OSBPL7: variants seen among roughly 807,000 people sequenced by gnomAD.
OSBPL7 encodes the protein oxysterol binding protein like 7, also known as oxysterol-binding protein-related protein 7.
In OSBPL7, 66 loss-of-function variants were observed where a neutral mutation model predicts 115.8. The observed-to-expected ratio is 0.57, with a 90% CI of 0.47 to 0.70. The LOEUF is 0.70. Ranked by LOEUF, OSBPL7 falls within the 30% of genes least tolerant of loss-of-function variation. OSBPL7 has a pLI of 0.00. For synonymous variants in OSBPL7, 441 were observed against 439.2 expected (o/e 1.00, Z -0.05); for missense variants, 902 against 1,125.5 (o/e 0.80, Z 2.84).
At chr17:47,814,410 C>G (rs867589344) in intron 14 of OSBPL7, 111 bp downstream of exon 14, 2 of 994,416 alleles carry the variant, frequency 2.0e-6, no homozygotes, top group Non-Finnish European at 1.5e-6. Context: ...TCCAAAGCCA[C>G]TAGCCCATCA....
In OSBPL7 at chr17:47,818,302, T is replaced by A. The variant is rs1453956041; in HGVS notation, c.565A>T (p.Arg189Trp). The A allele has an allele frequency of 1.2e-6, 2 of 1,613,998 alleles. No individual in the cohort carries two copies. The highest frequency in any genetic ancestry group is 2.2e-5 in the East Asian group (1 of 44,890). Residue 189 changes from arginine (R) to tryptophan (W), a missense_variant, in exon 7 of 23, where the codon AGG (arginine) becomes TGG (tryptophan). Coordinates refer to ENST00000007414, the MANE Select transcript of OSBPL7 (RefSeq NM_145798.3). Reference protein sequence around the residue: ...GPREKVSSWLRDSDGLDRCSH... With the variant: ...GPREKVSSWLWDSDGLDRCSH... ...CAGCGGTCCAGCCCATCACTGTCCCTCAGCCAGGAAGACACTTTCTCCCGC... is the reference window on the plus strand; with the variant it reads ...CAGCGGTCCAGCCCATCACTGTCCCACAGCCAGGAAGACACTTTCTCCCGC...
rs1383618057 is a variant in OSBPL7, at chr17:47,813,362, T to C, written c.1641A>G (p.Thr547=). Reference sequence around the variant, plus strand: ...AGGGCTTGCAGCCGGCTCGGTGGTATGTGGAGGAGTAGGCCGAGACAGCAA... The same window carrying C: ...AGGGCTTGCAGCCGGCTCGGTGGTACGTGGAGGAGTAGGCCGAGACAGCAA... ...AAFAVSAYSS[T]YHRAGCKPFN... Residue 547 remains threonine (T), a synonymous_variant, in exon 16 of 23, where the codon ACA becomes ACG. Transcript: ENST00000007414. 4 of 1,613,860 alleles carry C rather than the reference T, an allele frequency of 2.5e-6. No individual in the cohort carries two copies. The highest frequency in any genetic ancestry group is 1.7e-4 in the Middle Eastern group (1 of 6,060).
intron 12 of OSBPL7, 113 bp from the exon 13 acceptor site, chr17:47,815,465 G>A: frequency 7.1e-7 from 1 of 1,405,172 alleles, no homozygotes; most frequent in Non-Finnish European, 9.7e-7. Context: ...GGGCACTTTT[G>A]CTGAGTCAGA....
chr17:47,811,353 T>G (rs1219905116), intron 16 of OSBPL7, among the ~76,000 whole-genome samples: 1 of 152,148 alleles, frequency 6.6e-6, no homozygotes, highest in African/African-American at 2.4e-5. Flanking sequence ...CTCCGTTCCC[T>G]GTCGCCCACA....
At position 47,817,258 on chromosome 17, in the gene OSBPL7, G is replaced by GT; in HGVS notation, c.699_700insA (p.Gln234ThrfsTer28). Reference sequence around the variant, plus strand: ...CTGTGTGTACCCCTGGATCTTACCTGGTGTGTGGGGATAACAGGGGCTGAG... The same window carrying GT: ...CTGTGTGTACCCCTGGATCTTACCTGTGTGTGTGGGGATAACAGGGGCTGAG... On this transcript the variant is annotated frameshift_variant, in exon 8 of 23. Transcript: ENST00000007414. LOFTEE classifies it high-confidence loss of function. 6.3e-7 allele frequency: 1 copy of GT among 1,591,538 alleles called. No individual in the cohort carries two copies. Among genetic ancestry groups the GT allele is most frequent in the Non-Finnish European group, 8.5e-7 (1 of 1,173,520 alleles).
At chr17:47,815,417 C>G in intron 12 of OSBPL7, 65 bp from the exon 13 acceptor site, 1 of 1,592,800 alleles carries the variant, frequency 6.3e-7, no homozygotes, top group Non-Finnish European at 8.5e-7. Flanking sequence ...GCAGGGCACC[C>G]GCTTGCCTGA....
chr17:47,808,897 G>A lies in OSBPL7; in HGVS notation c.2264C>T (p.Pro755Leu). The change falls in exon 21 of 23, where the codon CCT (proline) becomes CTT (leucine). Residue 755 changes from proline (P) to leucine (L), a missense_variant. By Grantham distance (98) the Pro-to-Leu change is moderately conservative. Coordinates refer to ENST00000007414, the MANE Select transcript of OSBPL7 (RefSeq NM_145798.3). The surrounding 1 kb of genome is among the most constrained non-coding windows in gnomAD (Gnocchi z 6.1). ...ELTAELKRSL[P>L]STDTRLRPDQ... ...TGGCCGGAGTCTCGTGTCGGTGGAA[G>A]GCAGCGACCGTTTCAGCTCTGCTGT... 6.2e-7 allele frequency: 1 copy of A among 1,614,262 alleles called. No individual in the cohort carries two copies. The highest frequency in any genetic ancestry group is 8.5e-7 in the Non-Finnish European group (1 of 1,180,046).
At position 47,813,779 on chromosome 17, in the gene OSBPL7, C is replaced by T. The variant is rs776893217; in HGVS notation, c.1407G>A (p.Ala469=). The T allele has an allele frequency of 3.1e-5, 50 of 1,612,810 alleles. No homozygotes were observed. Among genetic ancestry groups the T allele is most frequent in the Middle Eastern group, 1.6e-4 (1 of 6,082 alleles). The part of the protein sequence containing the change: ...MGPPRRRCLP[A]ASGPGADVSL... Reference sequence around the variant, plus strand: ...TCACGTCAGCCCCAGGCCCGCTGGCCGCCGGCAGGCAGCGACGGCGGGGTG... The same window carrying T: ...TCACGTCAGCCCCAGGCCCGCTGGCTGCCGGCAGGCAGCGACGGCGGGGTG... The change falls in exon 15 of 23, where the codon GCG becomes GCA. Residue 469 remains alanine, a synonymous_variant. Transcript: ENST00000007414.
rs770900149 is a variant in OSBPL7 at position 47,818,978 on chromosome 17, G to T, written c.369+8C>A. ...GCCAACACACGTCCTGCCTCCCAGG[G>T]ATGTCACCTTGAGGTGGTAGATGTT... On this transcript the variant is annotated splice_region_variant and intron_variant, in intron 5 of 22. Coordinates refer to ENST00000007414, the MANE Select transcript of OSBPL7 (RefSeq NM_145798.3). The T allele has an allele frequency of 2.5e-6, 4 of 1,611,698 alleles. No homozygotes were observed. The Admixed American group carries it at 6.7e-5, about 27-fold the overall frequency.
chr17:47,809,498 G>A lies in OSBPL7; in HGVS notation c.1881-20C>T. The A allele has an allele frequency of 6.3e-7, 1 of 1,599,604 alleles. No homozygotes were observed. Among genetic ancestry groups the A allele is most frequent in the African/African-American group, 1.3e-5 (1 of 74,812 alleles). Reference sequence around the variant, plus strand: ...CCAAACCTGAGAAAGACAAGGTATGGAAGGGCAGCTGGCTGGCCCCAGGGA... The same window carrying A: ...CCAAACCTGAGAAAGACAAGGTATGAAAGGGCAGCTGGCTGGCCCCAGGGA... On this transcript the variant is annotated intron_variant, in intron 18 of 22. Transcript: ENST00000007414.
intron 15 of OSBPL7, 68 bp from the exon 16 acceptor site, chr17:47,813,471 G>T: frequency 6.2e-7 from 1 of 1,603,760 alleles, no homozygotes. Flanking sequence ...CAAAGTATGG[G>T]ATCTTGGGGT....
Position 47,816,406 on chromosome 17 carries a change from T to A in OSBPL7, c.1005A>T (p.Ser335=). The change falls in exon 11 of 23, where the codon TCA becomes TCT. Residue 335 remains serine (S), a synonymous_variant. Transcript: ENST00000007414. The surrounding 1 kb of genome is among the most constrained non-coding windows in gnomAD (Gnocchi z 5.8). ...GCCTCACCCCCATTCTTGACAACTC[T>A]GAGCCCTGGTGCATGTCCCTCAGTT... is the stretch of plus-strand genomic sequence containing the variant. ...RDQLRDMHQG[S]ELSRMGVSEA... The A allele has an allele frequency of 6.5e-7, 1 of 1,528,696 alleles. No individual in the cohort carries two copies. The highest frequency in any genetic ancestry group is 1.4e-5 in the African/African-American group (1 of 72,778). The allele number at this position is 1,528,696 out of a possible 1,614,324, so 94.7% of individuals were successfully genotyped here.
intron 7 of OSBPL7, among the ~76,000 whole-genome samples, 191 bp downstream of exon 7, chr17:47,818,078 G>C (rs1036875567): frequency 1.3e-5 from 2 of 152,196 alleles, no homozygotes; most frequent in African/African-American, 2.4e-5. Flanking sequence ...TATGTGCCCA[G>C]GCAGACTCTT....
At position 47,813,764 on chromosome 17, in the gene OSBPL7, C is replaced by T. The variant is rs2033122531; in HGVS notation, c.1422G>A (p.Gly474=). 1.9e-6 allele frequency: 3 copies of T among 1,613,160 alleles called. No individual in the cohort carries two copies. The highest frequency in any genetic ancestry group is 2.5e-6 in the Non-Finnish European group (3 of 1,179,920). The change falls in exon 15 of 23, where the codon GGG becomes GGA. Residue 474 remains glycine, a synonymous_variant. Coordinates refer to ENST00000007414, the MANE Select transcript of OSBPL7 (RefSeq NM_145798.3). ...RRCLPAASGP[G]ADVSLWNILR... ...GAATGTTCCACAGGCTCACGTCAGCCCCAGGCCCGCTGGCCGCCGGCAGGC... is the reference window on the plus strand; with the variant it reads ...GAATGTTCCACAGGCTCACGTCAGCTCCAGGCCCGCTGGCCGCCGGCAGGC...
intron 14 of OSBPL7, 40 bp downstream of exon 14, chr17:47,814,481 C>CCCCCCCCCCCCCCCCCCCCCCCT: frequency 9.8e-7 from 1 of 1,023,924 alleles, no homozygotes; most frequent in Non-Finnish European, 1.5e-6. Flanking sequence ...GTTTTTCCAC[C>CCCCCCCCCCCCCCCCCCCCCCCT]CGCCTCCCAC....
At chr17:47,820,526 T>G (rs2033367380) in intron 1 of OSBPL7, 161 bp from the exon 2 acceptor site, 2 of 509,770 alleles carry the variant, frequency 3.9e-6, no homozygotes, top group Admixed American at 6.8e-5. Flanking sequence ...CCACCCATTT[T>G]CACCTGATAT....
At chr17:47,819,254 A>G (rs1439969150) in intron 4 of OSBPL7, 155 bp from the exon 5 acceptor site, 4 of 629,956 alleles carry the variant, frequency 6.3e-6, no homozygotes, top group Non-Finnish European at 1.1e-5. Context: ...CTTGTCAATC[A>G]TCCTCCCATG....
chr17:47,819,904 C>A, intron 3 of OSBPL7, 67 bp downstream of exon 3: 1 of 1,602,528 alleles, frequency 6.2e-7, no homozygotes, highest in South Asian at 1.1e-5. Context: ...TTGGACTGCC[C>A]AGCAGCTGCC....
Position 47,808,561 on chromosome 17 carries a change from G to T in OSBPL7, c.2397C>A (p.Ile799=). ...ACCTGAAGAAGCGAGCCTGGTGTACGATGTTGTTTTCCTCCATGACTTTGC... is the reference window on the plus strand; with the variant it reads ...ACCTGAAGAAGCGAGCCTGGTGTACTATGTTGTTTTCCTCCATGACTTTGC... ...DRRKVMEENN[I]VHQARFFRRQ... Residue 799 remains isoleucine (I), a synonymous_variant, in exon 22 of 23, where the codon ATC becomes ATA. Transcript: ENST00000007414. This position sits in a 1 kb window ranked among gnomAD's most constrained non-coding sequence, Gnocchi z 6.1. 1 of 1,614,220 alleles carries T rather than the reference G, an allele frequency of 6.2e-7. No individual in the cohort carries two copies. Among genetic ancestry groups the T allele is most frequent in the Non-Finnish European group, 8.5e-7 (1 of 1,180,032 alleles).
Sources: allele counts gnomAD v4.1 joint callset (sites outside exome capture counted in the v4.1 genomes callset), GRCh38; gene constraint gnomAD v4.1.1; non-coding constraint Gnocchi (gnomAD v3.1); transcripts MANE v1.5; gene names NCBI Gene and HGNC (gene_info 2026-07-23, HGNC 2026-07-21).